SPOPL: variants seen among roughly 807,000 people sequenced by gnomAD.
SPOPL encodes the protein speckle-type POZ protein-like.
SPOPL carries 23 observed loss-of-function variants against 53.8 expected under a neutral mutation model. That is an observed-to-expected ratio of 0.43 (90% CI 0.31 to 0.61). The LOEUF (loss-of-function observed/expected upper bound fraction) is 0.61. Ranked by LOEUF, SPOPL falls within the 20% of genes least tolerant of loss-of-function variation. The pLI is 0.12. For synonymous variants in SPOPL, 164 were observed against 149.7 expected (o/e 1.10, Z -0.70); for missense variants, 442 against 466.9 (o/e 0.95, Z 0.49).
chr2:138,540,557 G>A (rs1685047734), intron 1 of SPOPL, among the ~76,000 whole-genome samples: 2 of 152,118 alleles, frequency 1.3e-5, no homozygotes, highest in Admixed American at 6.5e-5. Flanking sequence ...TGTTATTGGT[G>A]TATAAGAATG....
chr2:138,534,500 C>T (rs1232742422), intron 1 of SPOPL, among the ~76,000 whole-genome samples: 1 of 151,976 alleles, frequency 6.6e-6, no homozygotes, highest in African/African-American at 2.4e-5. Context: ...GAATCAGTCT[C>T]CCATGGAAAC....
At chr2:138,537,631 A>G (rs1271284864) in intron 1 of SPOPL, among the ~76,000 whole-genome samples, 1 of 152,164 alleles carries the variant, frequency 6.6e-6, no homozygotes, top group Non-Finnish European at 1.5e-5. Context: ...AGGATGAGAA[A>G]TGTTGACATC....
chr2:138,555,131 G>GGGGTGT (rs1553471470), intron 5 of SPOPL, among the ~76,000 whole-genome samples: 5 of 140,090 alleles, frequency 3.6e-5, no homozygotes, highest in East Asian at 4.3e-4. Context: ...AGGGTAGGAG[G>GGGGTGT]GTGTGTGTGT....
intron 1 of SPOPL, among the ~76,000 whole-genome samples, chr2:138,525,954 G>C (rs144225818): frequency 1.8e-4 from 27 of 151,850 alleles, no homozygotes; most frequent in African/African-American, 6.5e-4. Context: ...GCTTTTACTT[G>C]TGTTAGTGAT....
intron 10 of SPOPL, 84 bp from the exon 11 acceptor site, chr2:138,568,852 T>G: frequency 6.9e-7 from 1 of 1,441,722 alleles, no homozygotes; most frequent in Non-Finnish European, 9.5e-7. Context: ...ATTTTGAAAT[T>G]TGCAAGTTTT....
chr2:138,546,413 AGTAG>A (rs1186946301), intron 1 of SPOPL, among the ~76,000 whole-genome samples: 2 of 152,202 alleles, frequency 1.3e-5, no homozygotes, highest in Non-Finnish European at 2.9e-5. Context: ...CCTGAATGTT[AGTAG>A]GTAGTTGATA....
intron 1 of SPOPL, among the ~76,000 whole-genome samples, chr2:138,503,279 G>GTTAC (rs1684146099): frequency 2.6e-5 from 4 of 152,204 alleles, no homozygotes; most frequent in Non-Finnish European, 1.5e-5. Context: ...CTTTGGGGAA[G>GTTAC]TTACTTAATA....
rs1379868577 is a variant in SPOPL, at chr2:138,573,265, A to G, written c.*4185A>G. The G allele has an allele frequency of 6.6e-6, 1 of 152,204 alleles. No homozygotes were observed. Among genetic ancestry groups the G allele is most frequent in the Non-Finnish European group, 1.5e-5 (1 of 68,016 alleles). 9.4% of individuals were successfully genotyped at this position (152,204 alleles called of 1,614,324 possible). A position where few individuals can be genotyped will look rare whatever the true frequency, so the allele number is the denominator to read the frequency against. On this transcript the variant is annotated 3_prime_UTR_variant, in exon 11 of 11. Transcript: ENST00000280098. ...CTTATCTTGTGTTTATTTGAAGAAT[A>G]CATACTCTTCTTTTTCAGGTTGGTA... is the stretch of plus-strand genomic sequence containing the variant.
At chr2:138,550,691 A>G in intron 3 of SPOPL, 87 bp downstream of exon 3, 16 of 1,504,452 alleles carry the variant, frequency 1.1e-5, no homozygotes, top group Admixed American at 2.1e-5. Flanking sequence ...TTTTTCCTGA[A>G]TGAGTATTAA....
At position 138,520,920 on chromosome 2, in the gene SPOPL, G is replaced by T. The variant is rs79938867; in HGVS notation, c.-61+18801G>T. 4.7e-3 allele frequency among the ~76,000 whole-genome samples: 711 copies of T among 152,138 alleles called. 32 individuals carry two copies. The East Asian group carries it at 0.093, about 20-fold the overall frequency. On this transcript the variant is annotated intron_variant, in intron 1 of 10. Coordinates refer to ENST00000280098, the MANE Select transcript of SPOPL (RefSeq NM_001001664.3). ...ATACTGTATAAGACTATTAACATAG[G>T]TACACTGGGCTTCGTCTTTTCTTAT...
At position 138,550,270 on chromosome 2, in the gene SPOPL, A is replaced by G; in HGVS notation, c.54A>G (p.Ile18Met). Reference protein sequence around the residue: ...PLPGDMSTGPIAESWCYTQVK... With the variant: ...PLPGDMSTGPMAESWCYTQVK... ...CTGGAGATATGTCTACTGGTCCCAT[A>G]GCAGAAAGCTGGTGTTACACACAGG... Residue 18 changes from isoleucine (I) to methionine (M), a missense_variant, in exon 2 of 11, where the codon ATA (isoleucine) becomes ATG (methionine). Transcript: ENST00000280098. 1.9e-6 allele frequency: 3 copies of G among 1,613,682 alleles called. No individual in the cohort carries two copies. Among genetic ancestry groups the G allele is most frequent in the Non-Finnish European group, 2.5e-6 (3 of 1,179,662 alleles).
chr2:138,547,748 A>T (rs1685228458), intron 1 of SPOPL, among the ~76,000 whole-genome samples: 1 of 152,200 alleles, frequency 6.6e-6, no homozygotes, highest in African/African-American at 2.4e-5. Context: ...ATTTGACGTT[A>T]TCACTGAAAT....
At chr2:138,565,108 C>A in intron 10 of SPOPL, 115 bp downstream of exon 10, 1 of 1,298,982 alleles carries the variant, frequency 7.7e-7, no homozygotes. Context: ...ATGAAGCAAA[C>A]TGCCAGTTAT....
At chr2:138,562,161 TTTTTC>T (rs1274143502) in intron 8 of SPOPL, among the ~76,000 whole-genome samples, 1 of 151,904 alleles carries the variant, frequency 6.6e-6, no homozygotes. Context: ...CTAGCAGTCT[TTTTTC>T]TTTTTTTTTT....
intron 5 of SPOPL, chr2:138,554,647 T>G: frequency 4.8e-6 from 2 of 416,366 alleles, no homozygotes; most frequent in Non-Finnish European, 7.1e-6. Flanking sequence ...TAAGCAGCTC[T>G]GCCCTCTTTC....
chr2:138,544,046 C>T (rs965913836), intron 1 of SPOPL, among the ~76,000 whole-genome samples: 2 of 152,138 alleles, frequency 1.3e-5, no homozygotes, highest in African/African-American at 2.4e-5. Context: ...TGCAGAACAG[C>T]GGATATTGGT....
At chr2:138,519,240 A>C (rs1684506743) in intron 1 of SPOPL, among the ~76,000 whole-genome samples, 1 of 152,170 alleles carries the variant, frequency 6.6e-6, no homozygotes, top group Non-Finnish European at 1.5e-5. Context: ...ATTCTTTACT[A>C]GTGGTTGACT....
intron 1 of SPOPL, among the ~76,000 whole-genome samples, chr2:138,533,857 G>A (rs913350312): frequency 9.9e-5 from 15 of 152,024 alleles, no homozygotes; most frequent in Non-Finnish European, 1.8e-4. Flanking sequence ...CAAAAATACT[G>A]TATGTATAAT....
chr2:138,543,288 C>G (rs1685116498), intron 1 of SPOPL, among the ~76,000 whole-genome samples: 1 of 152,178 alleles, frequency 6.6e-6, no homozygotes, highest in African/African-American at 2.4e-5. Context: ...GCCTGCCTTG[C>G]TAGATTGGGG....
Sources: gnomAD v4.1 joint callset for allele counts (sites outside exome capture counted in the v4.1 genomes callset) on GRCh38, gnomAD v4.1.1 for gene constraint, MANE v1.5 for transcripts, NCBI Gene and HGNC (gene_info 2026-07-23, HGNC 2026-07-21) for gene names.